Variants in NKAIN2 observed in about 807,000 individuals in gnomAD.
NKAIN2 encodes sodium/potassium transporting ATPase interacting 2, also known as sodium/potassium-transporting ATPase subunit beta-1-interacting protein 2.
In NKAIN2, 14 loss-of-function variants were observed where a neutral mutation model predicts 32.6. The ratio of observed to expected loss-of-function variants is 0.43; its 90% CI spans 0.28 to 0.67. NKAIN2 has a LOEUF of 0.67. NKAIN2 is among the 30% of genes least tolerant of loss of function. The pLI is 0.17. For missense variants in NKAIN2, 198 were observed against 258.3 expected (o/e 0.77, Z 1.60); for synonymous variants, 80 against 87.2 (o/e 0.92, Z 0.46).
chr6:124,268,266 A>G (rs571917129), intron 1 of NKAIN2, among the ~76,000 whole-genome samples: 24 of 152,330 alleles, frequency 1.6e-4, no homozygotes, highest in South Asian at 1.2e-3. Flanking sequence ...ACTATCTGTA[A>G]GAACATCTCC....
chr6:124,707,364 G>C (rs1475968175), intron 4 of NKAIN2, among the ~76,000 whole-genome samples: 1 of 151,414 alleles, frequency 6.6e-6, no homozygotes. Context: ...CCAGTAATGG[G>C]ATGGCTGGGT....
intron 5 of NKAIN2, among the ~76,000 whole-genome samples, chr6:124,797,326 T>C (rs1371662646): frequency 2.0e-5 from 3 of 152,242 alleles, no homozygotes; most frequent in Admixed American, 1.3e-4. Context: ...GTAGTCATTT[T>C]CTTTGCTAAA....
chr6:124,608,842 C>A (rs1247242879), intron 3 of NKAIN2, among the ~76,000 whole-genome samples: 1 of 152,136 alleles, frequency 6.6e-6, no homozygotes, highest in Non-Finnish European at 1.5e-5. Flanking sequence ...TGACCACAGG[C>A]AGATGCCTGT....
intron 1 of NKAIN2, among the ~76,000 whole-genome samples, chr6:124,005,043 A>G (rs1280098699): frequency 6.6e-6 from 1 of 151,924 alleles, no homozygotes; most frequent in Non-Finnish European, 1.5e-5. Context: ...TGGTCAAGAT[A>G]GTGAAACCCT....
chr6:124,578,479 T>C (rs1301865605), intron 3 of NKAIN2, among the ~76,000 whole-genome samples: 2 of 151,642 alleles, frequency 1.3e-5, no homozygotes, highest in East Asian at 3.9e-4. Flanking sequence ...AGAGAGAGAC[T>C]CCTCTGCTTG....
At chr6:124,265,829 A>C (rs1794470251) in intron 1 of NKAIN2, among the ~76,000 whole-genome samples, 1 of 152,226 alleles carries the variant, frequency 6.6e-6, no homozygotes, top group African/African-American at 2.4e-5. Flanking sequence ...TCACACCAGC[A>C]AAACCCATGG....
intron 2 of NKAIN2, among the ~76,000 whole-genome samples, chr6:124,345,458 T>G (rs1043396914): frequency 6.6e-6 from 1 of 152,178 alleles, no homozygotes; most frequent in Non-Finnish European, 1.5e-5. Flanking sequence ...TGAATCCATC[T>G]GGTCCTGGAC....
intron 3 of NKAIN2, among the ~76,000 whole-genome samples, chr6:124,436,744 T>C (rs1271463168): frequency 6.6e-6 from 1 of 152,166 alleles, no homozygotes; most frequent in Non-Finnish European, 1.5e-5. Context: ...GGCCTCTCAC[T>C]GGTTCCCAGC....
chr6:123,840,381 CTT>C (rs1774819971), intron 1 of NKAIN2, among the ~76,000 whole-genome samples: 1 of 151,942 alleles, frequency 6.6e-6, no homozygotes, highest in South Asian at 2.1e-4. Context: ...ACAGTTTTTC[CTT>C]TTAATCAAAG....
chr6:124,375,016 C>T (rs1341540549), intron 3 of NKAIN2, among the ~76,000 whole-genome samples: 3 of 152,028 alleles, frequency 2.0e-5, no homozygotes, highest in African/African-American at 7.2e-5. Context: ...TCCTTCAAAA[C>T]CTCCAAGCAG....
At chr6:124,571,105 A>C (rs1487380359) in intron 3 of NKAIN2, among the ~76,000 whole-genome samples, 1 of 152,124 alleles carries the variant, frequency 6.6e-6, no homozygotes, top group Non-Finnish European at 1.5e-5. Context: ...GTTTTGGCCA[A>C]TTGCTTCCAT....
chr6:124,132,498 C>A (rs921528357), intron 1 of NKAIN2, among the ~76,000 whole-genome samples: 13 of 152,240 alleles, frequency 8.5e-5, no homozygotes, highest in Admixed American at 2.0e-4. Flanking sequence ...GGAAGCCAAC[C>A]AACTCAGGCC....
intron 4 of NKAIN2, among the ~76,000 whole-genome samples, chr6:124,664,651 G>A (rs1023457629): frequency 8.0e-5 from 12 of 149,798 alleles, no homozygotes; most frequent in Admixed American, 3.3e-4. Context: ...AAAATTAGCC[G>A]GGCGTAGTGG....
At chr6:124,612,436 G>A (rs977677250) in intron 3 of NKAIN2, among the ~76,000 whole-genome samples, 3 of 152,094 alleles carry the variant, frequency 2.0e-5, no homozygotes, top group Non-Finnish European at 2.9e-5. Flanking sequence ...CACTATGGTA[G>A]AAGTATTTAA....
intron 2 of NKAIN2, among the ~76,000 whole-genome samples, chr6:124,293,832 A>G (rs553681951): frequency 6.6e-6 from 1 of 152,184 alleles, no homozygotes; most frequent in South Asian, 2.1e-4. Flanking sequence ...ATATCAAAAC[A>G]CCTCATTTCT....
intron 1 of NKAIN2, among the ~76,000 whole-genome samples, chr6:124,168,294 C>T (rs189523229): frequency 2.6e-5 from 4 of 152,218 alleles, no homozygotes; most frequent in Admixed American, 2.0e-4. Context: ...AAGATACCAT[C>T]AGAATGATCA....
rs1219178568 is a variant in NKAIN2 at position 123,806,535 on chromosome 6, T to TA, written c.54+2287dup. Among the ~76,000 whole-genome samples the TA allele has an allele frequency of 2.0e-5, 3 of 152,156 alleles. No homozygotes were observed. The East Asian group carries it at 5.8e-4, about 29-fold the overall frequency. ...AATTAATAGTTGCAAAGCCCTGCAC[T>TA]AAAAAATAGGTGGGTGTGTATGTTT... On this transcript the variant is annotated intron_variant, in intron 1 of 6. Transcript: ENST00000368417.
chr6:124,216,969 A>G (rs1470022014), intron 1 of NKAIN2, among the ~76,000 whole-genome samples: 2 of 152,186 alleles, frequency 1.3e-5, no homozygotes, highest in African/African-American at 2.4e-5. Context: ...AATTGACTGT[A>G]TATTACACCA....
chr6:123,859,650 C>T (rs575147405), intron 1 of NKAIN2, among the ~76,000 whole-genome samples: 2 of 152,166 alleles, frequency 1.3e-5, no homozygotes, highest in Admixed American at 6.5e-5. Flanking sequence ...TCACATTCAT[C>T]ATGTTAGAAC....
Sources: gnomAD v4.1 joint callset for allele counts (sites outside exome capture counted in the v4.1 genomes callset) on GRCh38, gnomAD v4.1.1 for gene constraint, MANE v1.5 for transcripts, NCBI Gene and HGNC (gene_info 2026-07-23, HGNC 2026-07-21) for gene names.